ERC2: variants seen among roughly 807,000 people sequenced by gnomAD.
ERC2 encodes the protein ERC protein 2.
Under a neutral mutation model 114.8 loss-of-function variants are expected in ERC2, and 42 were observed. That is an observed-to-expected ratio of 0.37 (90% CI 0.29 to 0.47). The LOEUF is 0.47. ERC2 is among the 20% of genes least tolerant of loss of function. The pLI is 0.99. For missense variants in ERC2, 939 were observed against 1,150.7 expected, an observed-to-expected ratio of 0.82 and a Z score of 2.66; for synonymous variants, 454 against 425.5, an observed-to-expected ratio of 1.07 and a Z score of -0.82.
intron 2 of ERC2, among the ~76,000 whole-genome samples, chr3:56,419,723 A>G (rs1050148687): frequency 1.3e-5 from 2 of 152,192 alleles, no homozygotes; most frequent in African/African-American, 2.4e-5. Context: ...TAATATCTAG[A>G]CAGAGGATCT....
intron 15 of ERC2, among the ~76,000 whole-genome samples, 192 bp downstream of exon 15, chr3:55,734,579 C>T (rs1559569475): frequency 6.6e-6 from 1 of 152,278 alleles, no homozygotes; most frequent in East Asian, 1.9e-4. Context: ...ACAAGCCCAG[C>T]CACATGCACA....
intron 17 of ERC2, among the ~76,000 whole-genome samples, chr3:55,532,092 A>G (rs944738663): frequency 2.6e-5 from 4 of 152,188 alleles, no homozygotes; most frequent in Admixed American, 2.6e-4. Context: ...TTTTCATAGG[A>G]TTTCTGGATC....
chr3:56,043,504 T>C (rs2075304828), intron 7 of ERC2, among the ~76,000 whole-genome samples: 1 of 151,650 alleles, frequency 6.6e-6, no homozygotes, highest in Non-Finnish European at 1.5e-5. Context: ...GGACTGCTTA[T>C]CGGAAACACA....
At position 56,264,524 on chromosome 3, in the gene ERC2, G is replaced by A. The variant is rs148897181; in HGVS notation, c.1074+31495C>T. 1.1e-3 allele frequency among the ~76,000 whole-genome samples: 166 copies of A among 151,636 alleles called. 1 individual carries two copies. Among genetic ancestry groups the A allele is most frequent in the Middle Eastern group, 6.8e-3 (2 of 294 alleles). On this transcript the variant is annotated intron_variant, in intron 3 of 17. Transcript: ENST00000288221. ...AGACAAGAGAATCTCTAGAACCTAG[G>A]AGGCAGAGGTTGCAGTGAGTCAAGA...
chr3:55,788,256 G>T (rs191944000), intron 14 of ERC2, among the ~76,000 whole-genome samples: 1 of 152,298 alleles, frequency 6.6e-6, no homozygotes, highest in African/African-American at 2.4e-5. Flanking sequence ...ACATGGCCCA[G>T]AATCTCCCCT....
chr3:55,863,869 A>G (rs1050039896), intron 14 of ERC2, among the ~76,000 whole-genome samples: 1 of 151,642 alleles, frequency 6.6e-6, no homozygotes, highest in Non-Finnish European at 1.5e-5. Flanking sequence ...GCACATCTCA[A>G]TTGTACTAGC....
At chr3:55,908,020 C>G (rs1221599629) in intron 13 of ERC2, among the ~76,000 whole-genome samples, 1 of 152,046 alleles carries the variant, frequency 6.6e-6, no homozygotes, top group Non-Finnish European at 1.5e-5. Context: ...GGAGGCTTCC[C>G]AGAAGTGATA....
At chr3:55,904,209 A>T (rs1028602015) in intron 13 of ERC2, among the ~76,000 whole-genome samples, 8 of 152,208 alleles carry the variant, frequency 5.3e-5, no homozygotes, top group Non-Finnish European at 1.5e-5. Context: ...TTTTGCCCTC[A>T]TCCAAAATCA....
intron 8 of ERC2, among the ~76,000 whole-genome samples, chr3:56,017,629 C>T (rs898736628): frequency 1.3e-5 from 2 of 152,082 alleles, no homozygotes; most frequent in Non-Finnish European, 2.9e-5. Flanking sequence ...CAAGTGTTTC[C>T]TTAAGTGTCA....
At chr3:56,329,006 G>A (rs1450210469) in intron 2 of ERC2, among the ~76,000 whole-genome samples, 1 of 152,200 alleles carries the variant, frequency 6.6e-6, no homozygotes, top group African/African-American at 2.4e-5. Flanking sequence ...AGTAGAGCAA[G>A]GGACAAGTCC....
At chr3:56,009,666 C>T (rs908742204) in intron 9 of ERC2, among the ~76,000 whole-genome samples, 2 of 152,120 alleles carry the variant, frequency 1.3e-5, no homozygotes, top group Non-Finnish European at 2.9e-5. Context: ...CCACGCATCT[C>T]AGAGCTGTGA....
At chr3:56,402,651 G>A (rs2060564518) in intron 2 of ERC2, among the ~76,000 whole-genome samples, 1 of 152,164 alleles carries the variant, frequency 6.6e-6, no homozygotes, top group Admixed American at 6.5e-5. Context: ...TATGATAGCT[G>A]AAACTTCGGC....
chr3:56,070,658 C>A (rs1031426290), intron 7 of ERC2, among the ~76,000 whole-genome samples: 1 of 152,104 alleles, frequency 6.6e-6, no homozygotes, highest in African/African-American at 2.4e-5. Context: ...TTGTTATTGC[C>A]ACTTGCAAGT....
At chr3:55,558,987 G>A (rs1032002360) in intron 17 of ERC2, among the ~76,000 whole-genome samples, 3 of 152,236 alleles carry the variant, frequency 2.0e-5, no homozygotes, top group African/African-American at 7.2e-5. Context: ...CCCACAGCAA[G>A]GTCTGGAGAC....
rs918755841 is a variant in ERC2, at chr3:55,509,727, C to T, written c.*1589G>A. ...ATCTCTATGGCTCACAAGAGAGGTC[C>T]AGAGTTAATTGCACCAACATTTTAA... On this transcript the variant is annotated 3_prime_UTR_variant, in exon 18 of 18. Coordinates refer to ENST00000288221, the MANE Select transcript of ERC2 (RefSeq NM_015576.3). 5 of 152,518 alleles carry T rather than the reference C, an allele frequency of 3.3e-5. No homozygotes were observed. Among genetic ancestry groups the T allele is most frequent in the Admixed American group, 3.3e-4 (5 of 15,274 alleles). 9.4% of individuals were successfully genotyped at this position (152,518 alleles called of 1,614,324 possible).
intron 1 of ERC2, among the ~76,000 whole-genome samples, chr3:56,442,668 C>T (rs368286162): frequency 6.6e-6 from 1 of 152,224 alleles, no homozygotes; most frequent in East Asian, 1.9e-4. Flanking sequence ...TTAGGACACT[C>T]ATATGTATTG....
intron 16 of ERC2, among the ~76,000 whole-genome samples, 200 bp downstream of exon 16, chr3:55,699,178 A>C (rs570509026): frequency 6.6e-6 from 1 of 152,352 alleles, no homozygotes; most frequent in South Asian, 2.1e-4. Context: ...ATAAACAAGA[A>C]AAGACAAAAC....
chr3:56,017,986 C>G (rs1490043038), intron 8 of ERC2, among the ~76,000 whole-genome samples: 1 of 152,054 alleles, frequency 6.6e-6, no homozygotes, highest in Admixed American at 6.6e-5. Flanking sequence ...GGTTTGGAGT[C>G]TAGCAGAGAA....
intron 3 of ERC2, among the ~76,000 whole-genome samples, chr3:56,286,185 G>A (rs1012775878): frequency 2.6e-5 from 4 of 151,948 alleles, no homozygotes; most frequent in African/African-American, 4.8e-5. Flanking sequence ...AGGCCGAGGC[G>A]GGTGGATCAC....
Sources: gnomAD v4.1 joint callset for allele counts (sites outside exome capture counted in the v4.1 genomes callset) on GRCh38, gnomAD v4.1.1 for gene constraint, MANE v1.5 for transcripts, NCBI Gene and HGNC (gene_info 2026-07-23, HGNC 2026-07-21) for gene names.